CHL1: variants seen among roughly 807,000 people sequenced by gnomAD.
CHL1 encodes neural cell adhesion molecule L1-like protein.
In CHL1, 96 loss-of-function variants were observed where a neutral mutation model predicts 141.9. The observed-to-expected ratio is 0.68, with a 90% CI of 0.57 to 0.80. The LOEUF is 0.80. Ranked by LOEUF, CHL1 falls within the 30% of genes least tolerant of loss-of-function variation. CHL1 has a pLI of 0.00. For synonymous variants in CHL1, 613 were observed against 502.2 expected (o/e 1.22, Z -2.95); for missense variants, 1,820 against 1,457.2 (o/e 1.25, Z -4.05).
chr3:216,891 C>T (rs575773582), intron 1 of CHL1, among the ~76,000 whole-genome samples: 1 of 152,168 alleles, frequency 6.6e-6, no homozygotes. Context: ...CAGAAAAACT[C>T]CAAATCATGT....
intron 1 of CHL1, among the ~76,000 whole-genome samples, chr3:240,692 T>C (rs1389461331): frequency 4.6e-5 from 7 of 152,234 alleles, no homozygotes. Context: ...AGAAGAGTTT[T>C]TCTGACGTTA....
chr3:286,135 T>A (rs932370656), intron 2 of CHL1, among the ~76,000 whole-genome samples: 4 of 152,168 alleles, frequency 2.6e-5, no homozygotes, highest in African/African-American at 9.7e-5. Flanking sequence ...GTGTAAGATG[T>A]CTCTGCCCAC....
At chr3:373,545 G>A (rs879274634) in intron 15 of CHL1, 9 of 152,436 alleles carry the variant, frequency 5.9e-5, no homozygotes, top group Non-Finnish European at 1.0e-4. Context: ...GGAGCTTAGC[G>A]TGTTAGGCAG....
intron 2 of CHL1, among the ~76,000 whole-genome samples, chr3:318,819 T>A (rs1700329977): frequency 6.6e-6 from 1 of 151,666 alleles, no homozygotes; most frequent in South Asian, 2.1e-4. Context: ...AAATCATTGA[T>A]GTATTTGTGA....
At chr3:330,026 T>C (rs1392318067) in intron 5 of CHL1, among the ~76,000 whole-genome samples, 3 of 151,920 alleles carry the variant, frequency 2.0e-5, no homozygotes, top group Non-Finnish European at 4.4e-5. Flanking sequence ...AAGAATACAA[T>C]CACAAGCTCC....
intron 24 of CHL1, among the ~76,000 whole-genome samples, chr3:395,873 G>A (rs753386144): frequency 1.3e-5 from 2 of 152,098 alleles, no homozygotes; most frequent in Non-Finnish European, 2.9e-5. Flanking sequence ...AAAAATAGTA[G>A]AGAAAATGCA....
intron 1 of CHL1, among the ~76,000 whole-genome samples, chr3:205,539 T>C (rs1311636907): frequency 2.0e-5 from 3 of 152,186 alleles, no homozygotes; most frequent in East Asian, 1.9e-4. Context: ...ATGTTACCAG[T>C]TATATTTTGA....
chr3:228,284 CAGGATTACATTTAGTCTA>C (rs367802184), intron 1 of CHL1, among the ~76,000 whole-genome samples: 306 of 152,290 alleles, frequency 2.0e-3, no homozygotes, highest in African/African-American at 7.0e-3. Flanking sequence ...TGCTTTTCGA[CAGGATTACATTTAGTCTA>C]AGAGGTAGAA....
chr3:344,440 A>G (rs1702591420), intron 8 of CHL1, 149 bp from the exon 9 acceptor site: 2 of 558,662 alleles, frequency 3.6e-6, no homozygotes, highest in South Asian at 2.5e-5. Flanking sequence ...AGTCTATTTA[A>G]ATGGAAATAT....
chr3:354,540 G>A (rs941280038), intron 10 of CHL1, 100 bp from the exon 11 acceptor site: 2 of 1,344,642 alleles, frequency 1.5e-6, no homozygotes, highest in Non-Finnish European at 1.0e-6. Flanking sequence ...CCTTTGTGGT[G>A]TCTGCCCTCT....
chr3:333,399 C>G (rs935255445), intron 5 of CHL1, among the ~76,000 whole-genome samples: 2 of 152,010 alleles, frequency 1.3e-5, no homozygotes, highest in Non-Finnish European at 2.9e-5. Context: ...TCAAATGTTA[C>G]AGTTTCTACT....
intron 2 of CHL1, among the ~76,000 whole-genome samples, chr3:309,847 ATGTAAC>A (rs1699607893): frequency 6.6e-6 from 1 of 152,166 alleles, no homozygotes; most frequent in Non-Finnish European, 1.5e-5. Flanking sequence ...CTACTTTTAA[ATGTAAC>A]TGTAAGTTGT....
At chr3:349,779 G>A (rs1703087736) in intron 10 of CHL1, among the ~76,000 whole-genome samples, 1 of 152,136 alleles carries the variant, frequency 6.6e-6, no homozygotes. Context: ...ATTAAACACA[G>A]ACAGTTTACA....
At chr3:338,002 C>T (rs1702058559) in intron 5 of CHL1, among the ~76,000 whole-genome samples, 2 of 152,154 alleles carry the variant, frequency 1.3e-5, no homozygotes, top group African/African-American at 4.8e-5. Flanking sequence ...TGAAAGTGTT[C>T]CTATTTCTCC....
At chr3:337,510 TCCCCTC>T (rs549581493) in intron 5 of CHL1, among the ~76,000 whole-genome samples, 100 of 148,836 alleles carry the variant, frequency 6.7e-4, no homozygotes, top group Non-Finnish European at 1.2e-3. Context: ...ATGCTATCCC[TCCCCTC>T]TCCCCCCACC....
chr3:313,919 T>G (rs892360139), intron 2 of CHL1, among the ~76,000 whole-genome samples: 21 of 152,154 alleles, frequency 1.4e-4, no homozygotes, highest in African/African-American at 4.6e-4. Flanking sequence ...GCTATAACTT[T>G]CAAAACTCTT....
intron 2 of CHL1, among the ~76,000 whole-genome samples, chr3:312,327 G>T (rs970987880): frequency 6.6e-6 from 1 of 152,138 alleles, no homozygotes; most frequent in East Asian, 1.9e-4. Context: ...GTGTCACTGC[G>T]GTGTTATGAG....
At position 233,027 on chromosome 3, in the gene CHL1, A is replaced by G. The variant is rs1302840793; in HGVS notation, c.-174-11586A>G. Among the ~76,000 whole-genome samples the G allele has an allele frequency of 2.0e-5, 3 of 151,204 alleles. No individual in the cohort carries two copies. In the East Asian group the frequency reaches 5.8e-4, roughly 29 times the overall value. ...CTCCTTTTTTTTTTTTCTTTCTCTC[A>G]TAATGAATCAAGACATCCAGCATCC... is the stretch of plus-strand genomic sequence containing the variant. On this transcript the variant is annotated intron_variant, in intron 1 of 27. Transcript: ENST00000256509.
intron 9 of CHL1, among the ~76,000 whole-genome samples, chr3:346,599 T>C (rs1410118361): frequency 1.3e-5 from 2 of 152,204 alleles, no homozygotes; most frequent in Admixed American, 6.5e-5. Context: ...TGAAGGAATA[T>C]ATAAAAACAG....
Sources: gnomAD v4.1 joint callset for allele counts (sites outside exome capture counted in the v4.1 genomes callset) on GRCh38, gnomAD v4.1.1 for gene constraint, MANE v1.5 for transcripts, NCBI Gene and HGNC (gene_info 2026-07-23, HGNC 2026-07-21) for gene names.